The following ELMO1 variants were observed in gnomAD, a reference collection of about 807,000 sequenced individuals.
The protein encoded by ELMO1 is engulfment and cell motility 1.
In ELMO1, 26 loss-of-function variants were observed where a neutral mutation model predicts 98.9. That is an observed-to-expected ratio of 0.26 (90% CI 0.19 to 0.36). The LOEUF is 0.36. Ranked by LOEUF, ELMO1 falls within the 10% of genes least tolerant of loss-of-function variation. ELMO1 has a pLI of 1.00. For synonymous variants in ELMO1, 346 were observed against 346.0 expected (o/e 1.00, Z 0.00); for missense variants, 627 against 935.2 (o/e 0.67, Z 4.30).
At chr7:37,221,391 C>G (rs113351892) in intron 10 of ELMO1, among the ~76,000 whole-genome samples, 2 of 152,198 alleles carry the variant, frequency 1.3e-5, no homozygotes. Context: ...TCTAAACGAA[C>G]TCACTGGCAA....
chr7:37,362,089 T>C (rs1801722362), intron 1 of ELMO1, among the ~76,000 whole-genome samples: 1 of 151,780 alleles, frequency 6.6e-6, no homozygotes. Flanking sequence ...ATGAAGAAAA[T>C]AAAAAATAAA....
intron 16 of ELMO1, chr7:36,985,970 G>T (rs185449079): frequency 1.0e-6 from 1 of 1,002,896 alleles, no homozygotes; most frequent in East Asian, 1.1e-4. Flanking sequence ...CTGATTCTAA[G>T]CTGCTGCCAC....
intron 15 of ELMO1, among the ~76,000 whole-genome samples, chr7:37,076,808 C>G (rs1377252203): frequency 6.6e-6 from 1 of 152,320 alleles, no homozygotes; most frequent in East Asian, 1.9e-4. Flanking sequence ...AGACAGCCCC[C>G]ACTTCTGGCC....
At chr7:36,942,118 T>C (rs533200060) in intron 16 of ELMO1, among the ~76,000 whole-genome samples, 2 of 152,226 alleles carry the variant, frequency 1.3e-5, no homozygotes, top group African/African-American at 4.8e-5. Context: ...ATTTCACCAA[T>C]GGCTATACAC....
At position 36,883,677 on chromosome 7, in the gene ELMO1, T is replaced by C. The variant is rs572105229; in HGVS notation, c.1714+3883A>G. On this transcript the variant is annotated intron_variant, in intron 18 of 21. Transcript: ENST00000310758. ...ACCTTCTACCATGATTGGATCATGA[T>C]TGGGAGTTTCCTGTGGCCTCCCCAG... 5.9e-5 allele frequency among the ~76,000 whole-genome samples: 9 copies of C among 152,328 alleles called. No homozygotes were observed. In the South Asian group the frequency reaches 6.2e-4, roughly 11 times the overall value.
At position 37,314,940 on chromosome 7, in the gene ELMO1, A is replaced by G. The variant is rs1335382790; in HGVS notation, c.120-18T>C. 1 of 1,604,360 alleles carries G rather than the reference A, an allele frequency of 6.2e-7. No homozygotes were observed. The highest frequency in any genetic ancestry group is 8.5e-7 in the Non-Finnish European group (1 of 1,176,564). On this transcript the variant is annotated intron_variant, in intron 3 of 21. Transcript: ENST00000310758. ...GAGACCACCTTAAAAATACAAGCGTATACTGATTAGAAAAATGAAAGTGGC... is the reference window on the plus strand; with the variant it reads ...GAGACCACCTTAAAAATACAAGCGTGTACTGATTAGAAAAATGAAAGTGGC...
intron 15 of ELMO1, among the ~76,000 whole-genome samples, chr7:37,026,107 T>C (rs1317605921): frequency 3.3e-5 from 5 of 152,052 alleles, no homozygotes; most frequent in African/African-American, 1.2e-4. Flanking sequence ...ACGAGGAAAA[T>C]TATTCAGAGA....
At chr7:37,128,462 T>C (rs913345976) in intron 14 of ELMO1, among the ~76,000 whole-genome samples, 10 of 152,178 alleles carry the variant, frequency 6.6e-5, no homozygotes, top group African/African-American at 2.2e-4. Flanking sequence ...TCTGAAATCA[T>C]GCTATGCCTC....
chr7:37,262,401 A>T lies in ELMO1; in HGVS notation c.244-3051T>A, dbSNP rs139451096. Among the ~76,000 whole-genome samples the T allele has an allele frequency of 1.5e-3, 232 of 152,316 alleles. 1 individual carries two copies. The highest frequency in any genetic ancestry group is 5.5e-3 in the African/African-American group (227 of 41,576). ...TAGCCAAGGAGTCACTCCCAGTAAT[A>T]GCAGTAAAGCCTTCTCCAAATTGTC... On this transcript the variant is annotated intron_variant, in intron 5 of 21. Transcript: ENST00000310758.
At chr7:37,347,564 C>G (rs1170301925) in intron 1 of ELMO1, among the ~76,000 whole-genome samples, 1 of 152,116 alleles carries the variant, frequency 6.6e-6, no homozygotes, top group Non-Finnish European at 1.5e-5. Flanking sequence ...CTCAAGAGAT[C>G]TGATGGCTTT....
Position 36,887,699 on chromosome 7 carries a change from C to T in ELMO1, c.1602-27G>A. ...TGTTAGAGGAAAAACACATATTCCACAGCATGCCTTGAGAAACAGAGTGTG... is the reference window on the plus strand; with the variant it reads ...TGTTAGAGGAAAAACACATATTCCATAGCATGCCTTGAGAAACAGAGTGTG... On this transcript the variant is annotated intron_variant, in intron 17 of 21. Transcript: ENST00000310758. 4 of 1,607,048 alleles carry T rather than the reference C, an allele frequency of 2.5e-6. No individual in the cohort carries two copies. In the Middle Eastern group the frequency reaches 5.0e-4, roughly 199 times the overall value.
intron 16 of ELMO1, among the ~76,000 whole-genome samples, chr7:36,914,733 C>T (rs1467328697): frequency 3.3e-5 from 5 of 152,080 alleles, no homozygotes; most frequent in South Asian, 4.2e-4. Flanking sequence ...AGGATGGTCT[C>T]GATCTTTTGA....
At chr7:37,318,165 C>T (rs1286748446) in intron 2 of ELMO1, among the ~76,000 whole-genome samples, 1 of 152,164 alleles carries the variant, frequency 6.6e-6, no homozygotes, top group Non-Finnish European at 1.5e-5. Flanking sequence ...GTTTATGGCT[C>T]TTGCTGTGAG....
intron 15 of ELMO1, among the ~76,000 whole-genome samples, chr7:37,065,105 G>C (rs1043474961): frequency 1.3e-5 from 2 of 151,822 alleles, no homozygotes; most frequent in Admixed American, 1.3e-4. Flanking sequence ...AACCCAGCCA[G>C]GGTTCTAACA....
At chr7:37,373,451 TA>T (rs1252897835) in intron 1 of ELMO1, among the ~76,000 whole-genome samples, 1 of 151,482 alleles carries the variant, frequency 6.6e-6, no homozygotes, top group African/African-American at 2.4e-5. Context: ...TATTAAAAAT[TA>T]AAAAAAATTA....
chr7:37,289,590 T>C (rs1409667740), intron 4 of ELMO1, among the ~76,000 whole-genome samples: 1 of 152,140 alleles, frequency 6.6e-6, no homozygotes, highest in Non-Finnish European at 1.5e-5. Flanking sequence ...GAAATGCACC[T>C]GCTCCAGCCC....
chr7:37,443,692 C>T (rs1183420757), intron 1 of ELMO1, among the ~76,000 whole-genome samples: 16 of 152,100 alleles, frequency 1.1e-4, no homozygotes, highest in Non-Finnish European at 1.0e-4. Context: ...TAGATAAGTT[C>T]CAATTGTTAA....
chr7:37,073,279 T>C (rs575783706), intron 15 of ELMO1, among the ~76,000 whole-genome samples: 1 of 152,130 alleles, frequency 6.6e-6, no homozygotes, highest in Non-Finnish European at 1.5e-5. Context: ...CTGATGATAA[T>C]TTTGAGGGAA....
At chr7:36,996,305 A>G (rs1348392080) in intron 16 of ELMO1, among the ~76,000 whole-genome samples, 1 of 152,172 alleles carries the variant, frequency 6.6e-6, no homozygotes, top group African/African-American at 2.4e-5. Context: ...TTTGTCCTAG[A>G]GTGTGCTTTT....
Sources: allele counts gnomAD v4.1 joint callset (sites outside exome capture counted in the v4.1 genomes callset), GRCh38; gene constraint gnomAD v4.1.1; transcripts MANE v1.5; gene names NCBI Gene and HGNC (gene_info 2026-07-23, HGNC 2026-07-21).